Variants in SNX9 observed in about 807,000 individuals in gnomAD.
SNX9 encodes the protein sorting nexin-9.
In SNX9, 44 loss-of-function variants were observed where a neutral mutation model predicts 89.4. That is an observed-to-expected ratio of 0.49 (90% confidence interval 0.39 to 0.63). The LOEUF is 0.63. Ranked by LOEUF, SNX9 falls within the 30% of genes least tolerant of loss-of-function variation. The probability of loss-of-function intolerance (pLI) is 0.00; values close to 1 mark genes in which losing one functional copy is unlikely to be tolerated. For synonymous variants in SNX9, 236 were observed against 247.8 expected (o/e 0.95, Z 0.45); for missense variants, 578 against 736.1 (o/e 0.79, Z 2.49).
intron 4 of SNX9, 71 bp downstream of exon 4, chr6:157,875,247 G>A: frequency 6.5e-7 from 1 of 1,540,194 alleles, no homozygotes; most frequent in South Asian, 1.3e-5. Context: ...GAAGGCTTGT[G>A]ATGCATTATA....
At chr6:157,917,185 T>C (rs1212206152) in intron 9 of SNX9, among the ~76,000 whole-genome samples, 1 of 152,206 alleles carries the variant, frequency 6.6e-6, no homozygotes, top group African/African-American at 2.4e-5. Context: ...GCTCATAGTA[T>C]TTCTTTGTAC....
intron 10 of SNX9, 49 bp from the exon 11 acceptor site, chr6:157,927,062 C>A: frequency 1.4e-6 from 2 of 1,429,634 alleles, no homozygotes; most frequent in South Asian, 1.2e-5. Flanking sequence ...TTTTGAAGAC[C>A]AGTTTGACTG....
At chr6:157,899,906 C>CGT (rs1562610461) in intron 5 of SNX9, among the ~76,000 whole-genome samples, 4 of 151,460 alleles carry the variant, frequency 2.6e-5, no homozygotes, top group African/African-American at 9.8e-5. Context: ...TGTGTGTGTG[C>CGT]GCGTGTATAT....
At chr6:157,881,397 C>T (rs746515223) in intron 4 of SNX9, among the ~76,000 whole-genome samples, 7 of 152,138 alleles carry the variant, frequency 4.6e-5, no homozygotes, top group East Asian at 1.9e-4. Context: ...GAGACACAAC[C>T]GTATTTCAGT....
chr6:157,927,270 C>A, intron 11 of SNX9, 56 bp downstream of exon 11: 1 of 1,281,252 alleles, frequency 7.8e-7, no homozygotes, highest in Non-Finnish European at 1.1e-6. Flanking sequence ...CTCCTTTGGC[C>A]ATCAGGCTTC....
chr6:157,889,810 A>T (rs1188361620), intron 4 of SNX9, among the ~76,000 whole-genome samples: 1 of 152,200 alleles, frequency 6.6e-6, no homozygotes, highest in Non-Finnish European at 1.5e-5. Context: ...ATGGGGATTT[A>T]CTCAAAGAAA....
At chr6:157,889,168 C>T (rs997727280) in intron 4 of SNX9, among the ~76,000 whole-genome samples, 6 of 152,108 alleles carry the variant, frequency 3.9e-5, no homozygotes, top group Admixed American at 1.3e-4. Flanking sequence ...CAGTGGCTCA[C>T]GCCTGTAATC....
chr6:157,896,117 C>G (rs1435532240), intron 4 of SNX9, among the ~76,000 whole-genome samples: 2 of 152,140 alleles, frequency 1.3e-5, no homozygotes, highest in Non-Finnish European at 2.9e-5. Flanking sequence ...AGGAGGCTGC[C>G]CAGATTCATG....
At chr6:157,900,186 A>G (rs1783066047) in intron 5 of SNX9, among the ~76,000 whole-genome samples, 1 of 152,080 alleles carries the variant, frequency 6.6e-6, no homozygotes, top group Non-Finnish European at 1.5e-5. Flanking sequence ...CCACATGTAA[A>G]TAAGATCCAT....
chr6:157,912,268 G>A (rs762140162), intron 9 of SNX9, among the ~76,000 whole-genome samples: 3 of 152,160 alleles, frequency 2.0e-5, no homozygotes, highest in Non-Finnish European at 2.9e-5. Flanking sequence ...GCTCCACAGT[G>A]TTTAAATCCA....
intron 11 of SNX9, among the ~76,000 whole-genome samples, chr6:157,927,552 A>G (rs1200835262): frequency 2.0e-5 from 3 of 152,142 alleles, no homozygotes; most frequent in Non-Finnish European, 4.4e-5. Flanking sequence ...CTCTTTGAAC[A>G]TTGCCTTGAG....
Position 157,823,303 on chromosome 6 carries a change from G to A in SNX9, c.-132G>A. 1.4e-6 allele frequency: 1 copy of A among 740,612 alleles called. No individual in the cohort carries two copies. The highest frequency in any genetic ancestry group is 1.8e-6 in the Non-Finnish European group (1 of 568,046). The allele number at this position is 740,612 out of a possible 1,614,324, so 45.9% of individuals were successfully genotyped here. ...AGCGTCGAGACTCGGGGCCGAGGCGGAGGAGCGGCCGCCGCGCCGGGGCCC... is the reference window on the plus strand; with the variant it reads ...AGCGTCGAGACTCGGGGCCGAGGCGAAGGAGCGGCCGCCGCGCCGGGGCCC... On this transcript the variant is annotated 5_prime_UTR_variant, in exon 1 of 18. Coordinates refer to ENST00000392185, the MANE Select transcript of SNX9 (RefSeq NM_016224.5). The surrounding 1 kb of genome is among the most constrained non-coding windows in gnomAD (Gnocchi z 4.6).
At chr6:157,862,316 G>A (rs1166745278) in intron 1 of SNX9, among the ~76,000 whole-genome samples, 1 of 152,208 alleles carries the variant, frequency 6.6e-6, no homozygotes, top group Non-Finnish European at 1.5e-5. Flanking sequence ...GTCAAGATAA[G>A]ATTGAGGAAG....
chr6:157,869,795 C>T (rs1244870242), intron 2 of SNX9, among the ~76,000 whole-genome samples: 3 of 152,136 alleles, frequency 2.0e-5, no homozygotes, highest in Non-Finnish European at 4.4e-5. Flanking sequence ...TGCACAGGCA[C>T]ACACACGTGC....
At chr6:157,877,611 G>C (rs139841192) in intron 4 of SNX9, among the ~76,000 whole-genome samples, 1 of 152,024 alleles carries the variant, frequency 6.6e-6, no homozygotes, top group Admixed American at 6.6e-5. Flanking sequence ...TTCTGAATGC[G>C]GGTAGGAAGA....
intron 1 of SNX9, among the ~76,000 whole-genome samples, chr6:157,850,655 C>T (rs1399352485): frequency 2.0e-5 from 3 of 152,126 alleles, no homozygotes; most frequent in African/African-American, 7.2e-5. Context: ...CCCAAGAGCT[C>T]CCTTAAACAA....
chr6:157,932,298 G>C (rs772176079), intron 13 of SNX9, 26 bp downstream of exon 13: 1 of 1,608,220 alleles, frequency 6.2e-7, no homozygotes, highest in East Asian at 2.2e-5. Context: ...TTCATCCAGT[G>C]GGCCTTTAGA....
Position 157,909,996 on chromosome 6 carries a change from T to C in SNX9, c.920T>C (p.Ile307Thr). ...GTTAAGTTTGGGTCAGCCATTCCAA[T>C]CCCTTCTCTTCCAGACAAACAAGTC... is the stretch of plus-strand genomic sequence containing the variant. ...LLVKFGSAIP[I>T]PSLPDKQVTG... The change falls in exon 9 of 18, where the codon ATC (isoleucine) becomes ACC (threonine). Residue 307 changes from isoleucine to threonine, a missense_variant. Coordinates refer to ENST00000392185, the MANE Select transcript of SNX9 (RefSeq NM_016224.5). The C allele has an allele frequency of 6.2e-7, 1 of 1,614,076 alleles. No individual in the cohort carries two copies. The highest frequency in any genetic ancestry group is 8.5e-7 in the Non-Finnish European group (1 of 1,179,942).
At position 157,842,786 on chromosome 6, in the gene SNX9, A is replaced by G. The variant is rs529703426; in HGVS notation, c.12+19340A>G. Among the ~76,000 whole-genome samples the G allele has an allele frequency of 3.9e-5, 6 of 152,298 alleles. No homozygotes were observed. The East Asian group carries it at 1.2e-3, about 29-fold the overall frequency. On this transcript the variant is annotated intron_variant, in intron 1 of 17. Coordinates refer to ENST00000392185, the MANE Select transcript of SNX9 (RefSeq NM_016224.5). ...CTTAATCACTGATCTTAGGTTTTACAATAGTGATGTTATCCCCAGGAGCAA... is the reference window on the plus strand; with the variant it reads ...CTTAATCACTGATCTTAGGTTTTACGATAGTGATGTTATCCCCAGGAGCAA...
Sources: gnomAD v4.1 joint callset for allele counts (sites outside exome capture counted in the v4.1 genomes callset) on GRCh38, gnomAD v4.1.1 for gene constraint, Gnocchi (gnomAD v3.1) non-coding constraint, MANE v1.5 for transcripts, NCBI Gene and HGNC (gene_info 2026-07-23, HGNC 2026-07-21) for gene names.